RAPGEF5: variants seen among roughly 807,000 people sequenced by gnomAD.
RAPGEF5 encodes M-Ras-regulated GEF.
RAPGEF5 carries 65 observed loss-of-function variants against 125.2 expected under a neutral mutation model. The observed-to-expected ratio is 0.52, with a 90% confidence interval of 0.43 to 0.64. RAPGEF5 has a LOEUF of 0.64. RAPGEF5 is among the 30% of genes least tolerant of loss of function. RAPGEF5 has a pLI of 0.00. For missense variants in RAPGEF5, 958 were observed against 1,048.1 expected, an observed-to-expected ratio of 0.91 and a Z score of 1.19; for synonymous variants, 391 against 385.9, an observed-to-expected ratio of 1.01 and a Z score of -0.16.
chr7:22,162,309 G>A, intron 13 of RAPGEF5, 88 bp downstream of exon 13: 1 of 1,359,246 alleles, frequency 7.4e-7, no homozygotes, highest in East Asian at 2.3e-5. Flanking sequence ...CTGAATGACT[G>A]TTACCTACAA....
intron 7 of RAPGEF5, among the ~76,000 whole-genome samples, chr7:22,249,676 T>C (rs1786569057): frequency 6.6e-6 from 1 of 152,134 alleles, no homozygotes. Flanking sequence ...CTCCAATAAA[T>C]AAGGTAGTCG....
intron 11 of RAPGEF5, among the ~76,000 whole-genome samples, chr7:22,175,098 C>T (rs868669898): frequency 1.8e-4 from 27 of 152,060 alleles, no homozygotes; most frequent in Admixed American, 1.6e-3. Context: ...TAAAGAGAAA[C>T]GAATGTACAG....
At chr7:22,285,633 T>C (rs190048857) in intron 6 of RAPGEF5, among the ~76,000 whole-genome samples, 3 of 152,182 alleles carry the variant, frequency 2.0e-5, no homozygotes, top group Non-Finnish European at 2.9e-5. Context: ...GGAATCCTTG[T>C]CATTTTATAA....
intron 11 of RAPGEF5, among the ~76,000 whole-genome samples, chr7:22,191,921 A>T (rs1034824371): frequency 2.0e-5 from 3 of 152,254 alleles, no homozygotes; most frequent in Non-Finnish European, 4.4e-5. Flanking sequence ...GCACTATAGA[A>T]CTGTAGTGTT....
intron 12 of RAPGEF5, among the ~76,000 whole-genome samples, chr7:22,166,051 T>TTA (rs998673151): frequency 6.1e-5 from 9 of 147,020 alleles, no homozygotes; most frequent in Non-Finnish European, 8.9e-5. Flanking sequence ...TATATGTATA[T>TTA]TATATATATA....
intron 7 of RAPGEF5, among the ~76,000 whole-genome samples, chr7:22,245,175 C>T (rs1258678244): frequency 1.3e-5 from 2 of 152,154 alleles, no homozygotes; most frequent in African/African-American, 4.8e-5. Context: ...TTCTTCCTAT[C>T]ATGTTGTTTC....
chr7:22,278,675 A>T (rs1782610669), intron 6 of RAPGEF5, among the ~76,000 whole-genome samples: 1 of 150,946 alleles, frequency 6.6e-6, no homozygotes, highest in Non-Finnish European at 1.5e-5. Context: ...ATTTTAGGAA[A>T]AGTATTGGTA....
At chr7:22,161,104 G>A (rs914757587) in intron 13 of RAPGEF5, among the ~76,000 whole-genome samples, 1 of 152,110 alleles carries the variant, frequency 6.6e-6, no homozygotes, top group African/African-American at 2.4e-5. Context: ...AGCTACTCGG[G>A]AGGCTGAGGC....
chr7:22,189,870 G>A (rs1784937847), intron 11 of RAPGEF5, among the ~76,000 whole-genome samples: 1 of 152,134 alleles, frequency 6.6e-6, no homozygotes, highest in South Asian at 2.1e-4. Context: ...AAACAAAAAG[G>A]GAGCTTGTCA....
chr7:22,264,305 A>T (rs1782230940), intron 7 of RAPGEF5, among the ~76,000 whole-genome samples: 1 of 152,198 alleles, frequency 6.6e-6, no homozygotes, highest in Non-Finnish European at 1.5e-5. Context: ...TTATGTCCCC[A>T]TCATTAGTAC....
chr7:22,297,173 C>G (rs1783081865), intron 5 of RAPGEF5, among the ~76,000 whole-genome samples: 1 of 152,080 alleles, frequency 6.6e-6, no homozygotes, highest in Non-Finnish European at 1.5e-5. Context: ...AAGAACAATC[C>G]AGTAGAGGAA....
At chr7:22,182,062 T>C (rs1205441148) in intron 11 of RAPGEF5, among the ~76,000 whole-genome samples, 1 of 152,196 alleles carries the variant, frequency 6.6e-6, no homozygotes, top group Non-Finnish European at 1.5e-5. Flanking sequence ...CATCCACTAA[T>C]ACTCCTTCCT....
chr7:22,195,503 C>G lies in RAPGEF5; in HGVS notation c.997-1470G>C, dbSNP rs536499842. On this transcript the variant is annotated intron_variant, in intron 9 of 25. Coordinates refer to ENST00000665637, the MANE Select transcript of RAPGEF5 (RefSeq NM_012294.5). The stretch of plus-strand genomic sequence containing the variant: ...GGTAAATAATTTCACTATGTAAAAC[C>G]GATGTATTACATTTCAGCAAGGTCA... Among the ~76,000 whole-genome samples, 4 of 152,050 alleles carry G rather than the reference C, an allele frequency of 2.6e-5. No individual in the cohort carries two copies. The South Asian group carries it at 8.3e-4, about 32-fold the overall frequency.
At chr7:22,312,052 T>C (rs1783482573) in intron 3 of RAPGEF5, among the ~76,000 whole-genome samples, 1 of 152,214 alleles carries the variant, frequency 6.6e-6, no homozygotes, top group South Asian at 2.1e-4. Flanking sequence ...ACTGCAAAGG[T>C]AGCTAGATGG....
At chr7:22,142,420 A>G (rs1227280963) in intron 20 of RAPGEF5, among the ~76,000 whole-genome samples, 2 of 152,174 alleles carry the variant, frequency 1.3e-5, no homozygotes, top group Non-Finnish European at 2.9e-5. Flanking sequence ...TAATTTATCT[A>G]TGTGAAATCT....
At chr7:22,176,963 G>A (rs1305773638) in intron 11 of RAPGEF5, among the ~76,000 whole-genome samples, 3 of 152,192 alleles carry the variant, frequency 2.0e-5, no homozygotes. Context: ...ACCAGTGGCT[G>A]ACAGGAGACA....
chr7:22,248,840 A>G (rs1035179304), intron 7 of RAPGEF5, among the ~76,000 whole-genome samples: 1 of 152,218 alleles, frequency 6.6e-6, no homozygotes, highest in Non-Finnish European at 1.5e-5. Flanking sequence ...TATAAAAGTA[A>G]GATGGCAAAT....
At chr7:22,244,219 T>C (rs888261839) in intron 7 of RAPGEF5, among the ~76,000 whole-genome samples, 4 of 152,090 alleles carry the variant, frequency 2.6e-5, no homozygotes, top group Non-Finnish European at 4.4e-5. Flanking sequence ...CATATATATA[T>C]ACACACACCA....
At chr7:22,347,227 CT>C (rs946907535) in intron 1 of RAPGEF5, among the ~76,000 whole-genome samples, 1 of 152,012 alleles carries the variant, frequency 6.6e-6, no homozygotes, top group African/African-American at 2.4e-5. Flanking sequence ...AATTTATTCT[CT>C]TCTCACATTT....
Sources: allele counts gnomAD v4.1 joint callset (sites outside exome capture counted in the v4.1 genomes callset), GRCh38; gene constraint gnomAD v4.1.1; transcripts MANE v1.5; gene names NCBI Gene and HGNC (gene_info 2026-07-23, HGNC 2026-07-21).